The following RFFL variants were observed in gnomAD, a reference collection of about 807,000 sequenced individuals.
The protein encoded by RFFL is ring finger and FYVE like domain containing E3 ubiquitin protein ligase.
In RFFL, 16 loss-of-function variants were observed where a neutral mutation model predicts 40.4. The ratio of observed to expected loss-of-function variants is 0.40; its 90% CI spans 0.27 to 0.60. The LOEUF (loss-of-function observed/expected upper bound fraction) is 0.60, where lower values mean the gene tolerates loss of function less well. Among genes scored for constraint, RFFL ranks in the 20% least tolerant of loss-of-function variants. The pLI is 0.47. For missense variants in RFFL, 367 were observed against 451.7 expected (o/e 0.81, Z 1.70); for synonymous variants, 154 against 167.9 (o/e 0.92, Z 0.64).
Position 35,011,655 on chromosome 17 carries a change from T to G in RFFL, c.*313A>C, listed in dbSNP as rs2090939123. ...GGAGGAGGGGTGAAACTGTCTAGGT[T>G]CAGGGAGGAAGACAGGACCCAAGTT... is the stretch of plus-strand genomic sequence containing the variant. On this transcript the variant is annotated 3_prime_UTR_variant, in exon 7 of 7. Transcript: ENST00000394597. 3.4e-6 allele frequency: 1 copy of G among 298,448 alleles called. No homozygotes were observed. Among genetic ancestry groups the G allele is most frequent in the African/African-American group, 2.1e-5 (1 of 46,782 alleles). The allele number at this position is 298,448 out of a possible 1,614,324, so 18.5% of individuals were successfully genotyped here.
At chr17:35,024,083 T>C (rs1365141082) in intron 2 of RFFL, among the ~76,000 whole-genome samples, 1 of 152,146 alleles carries the variant, frequency 6.6e-6, no homozygotes, top group Admixed American at 6.5e-5. Flanking sequence ...GCAACCAACA[T>C]GCCTGCAGAA....
intron 1 of RFFL, among the ~76,000 whole-genome samples, chr17:35,035,611 C>T (rs530130667): frequency 5.2e-4 from 79 of 150,898 alleles, no homozygotes; most frequent in Non-Finnish European, 9.3e-4. Flanking sequence ...GCCGACTAGG[C>T]TTTTACTCTT....
At chr17:35,054,979 G>A (rs1485531285) in intron 1 of RFFL, among the ~76,000 whole-genome samples, 2 of 150,940 alleles carry the variant, frequency 1.3e-5, no homozygotes, top group African/African-American at 2.4e-5. Flanking sequence ...GTGCAGTGGC[G>A]CGATTTTGGC....
intron 3 of RFFL, among the ~76,000 whole-genome samples, chr17:35,019,605 T>C (rs1164777128): frequency 6.6e-6 from 1 of 151,762 alleles, no homozygotes; most frequent in African/African-American, 2.4e-5. Context: ...ATGCCTGGGC[T>C]CAAATGATCC....
intron 1 of RFFL, among the ~76,000 whole-genome samples, chr17:35,070,539 C>G (rs1177723155): frequency 6.6e-6 from 1 of 152,124 alleles, no homozygotes; most frequent in Non-Finnish European, 1.5e-5. Context: ...GTTTTTAGGG[C>G]CTTTGGAAGC....
intron 1 of RFFL, among the ~76,000 whole-genome samples, chr17:35,081,558 T>C (rs1243031195): frequency 6.6e-6 from 1 of 152,132 alleles, no homozygotes; most frequent in Non-Finnish European, 1.5e-5. Context: ...AATCTCTGGG[T>C]AAAAGGCCAA....
At position 35,021,538 on chromosome 17, in the gene RFFL, G is replaced by T; in HGVS notation, c.424C>A (p.Gln142Lys). 1 of 1,613,558 alleles carries T rather than the reference G, an allele frequency of 6.2e-7. No individual in the cohort carries two copies. Among genetic ancestry groups the T allele is most frequent in the Non-Finnish European group, 8.5e-7 (1 of 1,179,700 alleles). The change falls in exon 3 of 7, where the codon CAG becomes AAG. Residue 142 changes from glutamine (Q) to lysine (K), a missense_variant. Gln to Lys is a moderately conservative substitution (Grantham distance 53). Transcript: ENST00000394597. ...LVLGQQPVIS[Q>K]EDRTRASTLS... ...GTGGAGGCACGAGTCCTGTCCTCCT[G>T]GGAGATTACAGGCTGCTGGCCAAGG...
intron 6 of RFFL, among the ~76,000 whole-genome samples, chr17:35,013,660 C>T (rs932298390): frequency 2.6e-5 from 4 of 152,072 alleles, no homozygotes; most frequent in African/African-American, 9.7e-5. Context: ...TGCTGTTGGT[C>T]CTAACAGAGG....
intron 1 of RFFL, among the ~76,000 whole-genome samples, chr17:35,042,901 A>C (rs2091175943): frequency 6.6e-6 from 1 of 152,006 alleles, no homozygotes; most frequent in African/African-American, 2.4e-5. Context: ...TATATGGTAG[A>C]ACTTTAGAAT....
chr17:35,014,711 C>T, intron 6 of RFFL, 29 bp downstream of exon 6: 4 of 1,607,558 alleles, frequency 2.5e-6, no homozygotes, highest in Non-Finnish European at 3.4e-6. Context: ...AGGGCCTAAG[C>T]CCATTCCCAA....
intron 1 of RFFL, among the ~76,000 whole-genome samples, chr17:35,069,979 C>G (rs1223029530): frequency 6.6e-6 from 1 of 151,642 alleles, no homozygotes; most frequent in Non-Finnish European, 1.5e-5. Context: ...CTGTGAACAG[C>G]AGGGGGGAAT....
At chr17:35,042,050 A>G (rs944601057) in intron 1 of RFFL, among the ~76,000 whole-genome samples, 1 of 152,032 alleles carries the variant, frequency 6.6e-6, no homozygotes, top group Non-Finnish European at 1.5e-5. Context: ...AATGACCTAC[A>G]TGTTTCATAG....
intron 1 of RFFL, among the ~76,000 whole-genome samples, chr17:35,026,888 G>A (rs1406714750): frequency 6.6e-6 from 1 of 152,058 alleles, no homozygotes; most frequent in Admixed American, 6.6e-5. Flanking sequence ...ATTTTTAGTA[G>A]AGATGGGATT....
At chr17:35,021,862 C>A in intron 2 of RFFL, 81 bp from the exon 3 acceptor site, 1 of 1,375,032 alleles carries the variant, frequency 7.3e-7, no homozygotes, top group Non-Finnish European at 1.0e-6. Flanking sequence ...TCAGAGCTGC[C>A]AAGCCCAGCA....
chr17:35,017,056 G>C (rs2090978328), intron 4 of RFFL, among the ~76,000 whole-genome samples: 1 of 151,938 alleles, frequency 6.6e-6, no homozygotes, highest in Non-Finnish European at 1.5e-5. Flanking sequence ...CTCCCCTGGA[G>C]ACTTCTGCTT....
chr17:35,063,283 C>T (rs2091303774), intron 1 of RFFL, among the ~76,000 whole-genome samples: 1 of 151,728 alleles, frequency 6.6e-6, no homozygotes, highest in Non-Finnish European at 1.5e-5. Context: ...CAGCAAAACC[C>T]TGTCTCTACT....
chr17:35,029,666 G>A (rs1205443057), intron 1 of RFFL, among the ~76,000 whole-genome samples: 4 of 151,270 alleles, frequency 2.6e-5, no homozygotes, highest in African/African-American at 7.3e-5. Flanking sequence ...GACTACAGGC[G>A]CCCACCACAC....
rs1205158007 is a variant in RFFL, at chr17:35,006,161, T to G, written c.*5807A>C. The G allele has an allele frequency of 1.2e-5, 2 of 162,152 alleles. No individual in the cohort carries two copies. The highest frequency in any genetic ancestry group is 2.7e-5 in the Non-Finnish European group (2 of 74,158). 10.0% of individuals were successfully genotyped at this position (162,152 alleles called of 1,614,324 possible). ...AAGAACAAAAGGAAGAGAGACAATT[T>G]AGTGTAGACAAGTGCTATTCAATAG... On this transcript the variant is annotated 3_prime_UTR_variant, in exon 7 of 7. Transcript: ENST00000394597.
intron 1 of RFFL, among the ~76,000 whole-genome samples, chr17:35,046,874 C>G (rs746576648): frequency 2.0e-5 from 3 of 152,216 alleles, no homozygotes; most frequent in Non-Finnish European, 4.4e-5. Flanking sequence ...AACACCGCAG[C>G]AGAGAAACCT....
Sources: allele counts gnomAD v4.1 joint callset (sites outside exome capture counted in the v4.1 genomes callset), GRCh38; gene constraint gnomAD v4.1.1; transcripts MANE v1.5; gene names NCBI Gene and HGNC (gene_info 2026-07-23, HGNC 2026-07-21).